Variants in SLC35D4 observed in about 807,000 individuals in gnomAD.
The protein encoded by SLC35D4 is solute carrier family 35 member D4.
chr18:23,326,378 G>GA, the SLC35D4 span, among the ~76,000 whole-genome samples: 6 of 151,510 alleles, frequency 4.0e-5, no homozygotes, highest in Non-Finnish European at 5.9e-5. Flanking sequence ...CAAATGGAAA[G>GA]AAAAAAAAGC....
At chr18:23,432,302 C>T in the SLC35D4 span, among the ~76,000 whole-genome samples, 4 of 152,282 alleles carry the variant, frequency 2.6e-5, no homozygotes, top group East Asian at 7.7e-4. Flanking sequence ...AAAAAAGAAA[C>T]GCAATTCCTC....
the SLC35D4 span, among the ~76,000 whole-genome samples, chr18:23,290,197 G>A: frequency 6.6e-6 from 1 of 152,182 alleles, no homozygotes; most frequent in Non-Finnish European, 1.5e-5. Flanking sequence ...CCTCCCACAC[G>A]TTTCATGCCC....
At chr18:23,377,559 G>T in the SLC35D4 span, 2 of 1,279,240 alleles carry the variant, frequency 1.6e-6, no homozygotes, top group Non-Finnish European at 2.2e-6. Context: ...ACCTCTTAGA[G>T]TATGAATCTT....
At chr18:23,316,118 C>G in the SLC35D4 span, among the ~76,000 whole-genome samples, 11 of 152,224 alleles carry the variant, frequency 7.2e-5, no homozygotes, top group African/African-American at 2.7e-4. Flanking sequence ...GAGTTCTCTT[C>G]TATACCCTCC....
At chr18:23,414,331 A>AAGGAAGGAAGGAAGGCAGGCAGGCAGGC in the SLC35D4 span, among the ~76,000 whole-genome samples, 443 of 140,466 alleles carry the variant, frequency 3.2e-3, 3 homozygotes, top group African/African-American at 0.011. Flanking sequence ...GGAAGGAAGG[A>AAGGAAGGAAGGAAGGCAGGCAGGCAGGC]AGGCAGGCAG....
the SLC35D4 span, among the ~76,000 whole-genome samples, chr18:23,377,176 C>A: frequency 1.3e-5 from 2 of 152,184 alleles, no homozygotes; most frequent in Non-Finnish European, 2.9e-5. Context: ...TACGCTGTAG[C>A]TGAGGAAACT....
the SLC35D4 span, among the ~76,000 whole-genome samples, chr18:23,394,546 A>G: frequency 6.6e-6 from 1 of 151,908 alleles, no homozygotes; most frequent in African/African-American, 2.4e-5. Context: ...AAAGCACCAA[A>G]ATTTTTCATT....
the SLC35D4 span, among the ~76,000 whole-genome samples, chr18:23,244,656 A>G: frequency 6.6e-6 from 1 of 152,244 alleles, no homozygotes; most frequent in South Asian, 2.1e-4. Flanking sequence ...AAGTATGGCC[A>G]AAGCAAAAGA....
the SLC35D4 span, among the ~76,000 whole-genome samples, chr18:23,331,883 C>CTTTTT: frequency 2.0e-4 from 21 of 102,978 alleles, no homozygotes; most frequent in East Asian, 2.9e-3. Flanking sequence ...TTGAACATGT[C>CTTTTT]TTTTTTTTTT....
the SLC35D4 span, among the ~76,000 whole-genome samples, chr18:23,282,972 C>G: frequency 6.6e-6 from 1 of 151,838 alleles, no homozygotes; most frequent in Non-Finnish European, 1.5e-5. Context: ...CCCGAGAAAC[C>G]TGAGAAACTG....
At chr18:23,367,469 G>A in the SLC35D4 span, among the ~76,000 whole-genome samples, 105 of 152,264 alleles carry the variant, frequency 6.9e-4, no homozygotes, top group Non-Finnish European at 1.1e-3. Context: ...AGGGGTGCTG[G>A]GGGACGGGAG....
At chr18:23,297,729 G>C in the SLC35D4 span, 2 of 392,826 alleles carry the variant, frequency 5.1e-6, no homozygotes, top group African/African-American at 4.1e-5. Flanking sequence ...GCACGGTTGA[G>C]AGAGGTTCTC....
At chr18:23,417,241 C>A in the SLC35D4 span, among the ~76,000 whole-genome samples, 44 of 134,488 alleles carry the variant, frequency 3.3e-4, no homozygotes, top group African/African-American at 5.4e-4. Flanking sequence ...GACCTTGCCT[C>A]AAAAAAAAAA....
At chr18:23,251,198 A>G in the SLC35D4 span, among the ~76,000 whole-genome samples, 20,601 of 152,282 alleles carry the variant, frequency 0.14, 1,520 homozygotes, top group Middle Eastern at 0.24. Flanking sequence ...CATGCCTGTA[A>G]TGCCAGCACT....
the SLC35D4 span, among the ~76,000 whole-genome samples, chr18:23,275,023 G>GTGAGTGTGCGTATGCGCT: frequency 3.2e-4 from 48 of 149,864 alleles, no homozygotes; most frequent in African/African-American, 1.1e-3. Context: ...GTGTGCTTGT[G>GTGAGTGTGCGTATGCGCT]TGTCTGCTTG....
chr18:23,329,698 A>G, the SLC35D4 span, among the ~76,000 whole-genome samples: 2 of 152,214 alleles, frequency 1.3e-5, no homozygotes, highest in Non-Finnish European at 2.9e-5. Context: ...CAGCAATCCT[A>G]TTACTGGGTA....
the SLC35D4 span, among the ~76,000 whole-genome samples, chr18:23,371,926 G>GTTTTTTTTTTTTT: frequency 9.3e-4 from 11 of 11,862 alleles, 3 homozygotes; most frequent in African/African-American, 2.7e-3. Context: ...TTTCTTCCTT[G>GTTTTTTTTTTTTT]TTTTTTTTGT....
chr18:23,371,471 C>G, the SLC35D4 span: 3 of 1,592,710 alleles, frequency 1.9e-6, no homozygotes, highest in Non-Finnish European at 2.6e-6. Context: ...CTGGATTAAA[C>G]TGAAACACAA....
the SLC35D4 span, among the ~76,000 whole-genome samples, chr18:23,247,480 T>TG: frequency 6.6e-6 from 1 of 152,220 alleles, no homozygotes. Flanking sequence ...AGTGCCACTT[T>TG]GGGGGTTGCC....
Sources: allele counts gnomAD v4.1 joint callset (sites outside exome capture counted in the v4.1 genomes callset), GRCh38; gene constraint gnomAD v4.1.1; transcripts MANE v1.5; gene names NCBI Gene and HGNC (gene_info 2026-07-23, HGNC 2026-07-21).